CDC42BPA: variants seen among roughly 807,000 people sequenced by gnomAD.
The protein encoded by CDC42BPA is serine/threonine-protein kinase MRCK alpha.
Under a neutral mutation model 223.5 loss-of-function variants are expected in CDC42BPA, and 80 were observed. The observed-to-expected ratio is 0.36, with a 90% CI of 0.30 to 0.43. CDC42BPA has a LOEUF of 0.43. Ranked by LOEUF, CDC42BPA falls within the 20% of genes least tolerant of loss-of-function variation. The probability of loss-of-function intolerance (pLI) is 1.00; values close to 1 mark genes in which losing one functional copy is unlikely to be tolerated. For missense variants in CDC42BPA, 1,743 were observed against 2,099.9 expected, an observed-to-expected ratio of 0.83 and a Z score of 3.32; for synonymous variants, 694 against 718.6, an observed-to-expected ratio of 0.97 and a Z score of 0.55.
intron 11 of CDC42BPA, among the ~76,000 whole-genome samples, chr1:227,121,175 T>A (rs1688605635): frequency 6.6e-6 from 1 of 152,170 alleles, no homozygotes; most frequent in Non-Finnish European, 1.5e-5. Flanking sequence ...GAGCATCCCC[T>A]AGGAACTTAG....
chr1:227,093,875 G>A (rs1317993921), intron 15 of CDC42BPA, among the ~76,000 whole-genome samples: 15 of 152,098 alleles, frequency 9.9e-5, no homozygotes, highest in Admixed American at 6.5e-4. Context: ...CTGAACTCTC[G>A]TATTGCTTCA....
At chr1:227,245,762 T>G (rs1156331202) in intron 2 of CDC42BPA, among the ~76,000 whole-genome samples, 1 of 152,156 alleles carries the variant, frequency 6.6e-6, no homozygotes, top group South Asian at 2.1e-4. Flanking sequence ...CTGGCAGGAC[T>G]CATCACCTGC....
At chr1:227,112,235 T>C in intron 14 of CDC42BPA, 77 bp downstream of exon 14, 1 of 732,960 alleles carries the variant, frequency 1.4e-6, no homozygotes, top group Non-Finnish European at 2.2e-6. Context: ...CCGAATACAG[T>C]ATACAAGCTA....
At chr1:227,130,583 G>C (rs1407072814) in intron 10 of CDC42BPA, among the ~76,000 whole-genome samples, 2 of 147,596 alleles carry the variant, frequency 1.4e-5, no homozygotes, top group African/African-American at 2.5e-5. Flanking sequence ...GTGTAGGTGC[G>C]GTGGCTCATG....
chr1:227,120,480 G>T (rs761594463), intron 11 of CDC42BPA, among the ~76,000 whole-genome samples: 1 of 152,166 alleles, frequency 6.6e-6, no homozygotes, highest in East Asian at 1.9e-4. Flanking sequence ...GAAACTCAGG[G>T]AGTTGAATAA....
chr1:227,085,550 T>G (rs72748174), intron 16 of CDC42BPA, among the ~76,000 whole-genome samples: 2 of 152,132 alleles, frequency 1.3e-5, no homozygotes, highest in Non-Finnish European at 2.9e-5. Context: ...TGTGCAGAGA[T>G]AGGCAATTTT....
chr1:227,289,803 A>G, intron 1 of CDC42BPA, among the ~76,000 whole-genome samples: 1 of 152,036 alleles, frequency 6.6e-6, no homozygotes, highest in Admixed American at 6.6e-5. Context: ...CTTTAAAAAG[A>G]AATACATGGG....
At chr1:227,090,672 G>A (rs1368096292) in intron 16 of CDC42BPA, among the ~76,000 whole-genome samples, 8 of 152,110 alleles carry the variant, frequency 5.3e-5, no homozygotes. Context: ...TTAGCTGGGT[G>A]TGGTGGTGTG....
intron 5 of CDC42BPA, among the ~76,000 whole-genome samples, chr1:227,169,485 T>C (rs1345155207): frequency 2.0e-5 from 3 of 152,180 alleles, no homozygotes; most frequent in African/African-American, 7.2e-5. Context: ...ATCTTTTGTC[T>C]TTAGCTGAGC....
intron 1 of CDC42BPA, among the ~76,000 whole-genome samples, chr1:227,262,704 C>T (rs981675514): frequency 7.2e-5 from 11 of 152,126 alleles, no homozygotes; most frequent in African/African-American, 2.2e-4. Context: ...TTTTCACATC[C>T]GCAATCCCAG....
At chr1:227,006,607 C>G (rs1664101708) in intron 34 of CDC42BPA, among the ~76,000 whole-genome samples, 1 of 152,168 alleles carries the variant, frequency 6.6e-6, no homozygotes, top group South Asian at 2.1e-4. Context: ...CAGCCATCTG[C>G]AGTATCACTT....
At chr1:227,270,754 C>A (rs1685830629) in intron 1 of CDC42BPA, among the ~76,000 whole-genome samples, 1 of 152,154 alleles carries the variant, frequency 6.6e-6, no homozygotes, top group African/African-American at 2.4e-5. Context: ...CGACCCACCA[C>A]CACATCCCAT....
chr1:227,288,160 A>C (rs1235688431), intron 1 of CDC42BPA, among the ~76,000 whole-genome samples: 1 of 152,096 alleles, frequency 6.6e-6, no homozygotes, highest in African/African-American at 2.4e-5. Flanking sequence ...AACATACACA[A>C]ATCTTCTCTT....
chr1:227,163,018 ATGTTTCCAAACATATG>A (rs1344085903), intron 5 of CDC42BPA, among the ~76,000 whole-genome samples: 4 of 141,716 alleles, frequency 2.8e-5, no homozygotes, highest in Admixed American at 2.1e-4. Context: ...CCAAACGTGT[ATGTTTCCAAACATATG>A]TGTTTCCAAA....
chr1:227,282,188 C>CAAA (rs10715170), intron 1 of CDC42BPA, among the ~76,000 whole-genome samples: 2 of 105,696 alleles, frequency 1.9e-5, no homozygotes, highest in Non-Finnish European at 3.9e-5. Context: ...AACTCCGTCT[C>CAAA]AAAAAAAAAA....
rs931247114 is a variant in CDC42BPA, at chr1:226,994,616, C to A, written c.5133+207G>T. ...GCCTTTACAGATGATGGTATTTTCA[C>A]ACAAAAGCCAGAAGTCTGAATGCCT... On this transcript the variant is annotated intron_variant, in intron 36 of 36. Transcript: ENST00000366766. This position sits in a 1 kb window ranked among gnomAD's most constrained non-coding sequence, Gnocchi z 4.0. 6.6e-6 allele frequency among the ~76,000 whole-genome samples: 1 copy of A among 152,174 alleles called. No individual in the cohort carries two copies. The highest frequency in any genetic ancestry group is 1.5e-5 in the Non-Finnish European group (1 of 68,034).
intron 1 of CDC42BPA, among the ~76,000 whole-genome samples, chr1:227,270,937 CA>C (rs561804021): frequency 2.6e-5 from 4 of 152,140 alleles, no homozygotes; most frequent in Non-Finnish European, 5.9e-5. Flanking sequence ...AATAATACTC[CA>C]CTGTATGCTT....
At chr1:227,126,458 TACAAGAAAGGAAGGAA>T (rs1432279096) in intron 11 of CDC42BPA, among the ~76,000 whole-genome samples, 1 of 113,650 alleles carries the variant, frequency 8.8e-6, no homozygotes, top group Non-Finnish European at 1.8e-5. Flanking sequence ...AAACAGGCAG[TACAAGAAAGGAAGGAA>T]GGAAGGAAGG....
chr1:227,207,294 T>C (rs116369581), intron 3 of CDC42BPA, among the ~76,000 whole-genome samples: 3,077 of 144,874 alleles, frequency 0.021, 124 homozygotes, highest in African/African-American at 0.075. Flanking sequence ...AGTAATTCCA[T>C]GGTGTATATG....
Sources: allele counts gnomAD v4.1 joint callset (sites outside exome capture counted in the v4.1 genomes callset), GRCh38; gene constraint gnomAD v4.1.1; non-coding constraint Gnocchi (gnomAD v3.1); transcripts MANE v1.5; gene names NCBI Gene and HGNC (gene_info 2026-07-23, HGNC 2026-07-21).